The following TNFSF4 variants were observed in gnomAD, a reference collection of about 807,000 sequenced individuals.
TNFSF4 encodes tumor necrosis factor ligand superfamily member 4.
TNFSF4 carries 4 observed loss-of-function variants against 7.3 expected under a neutral mutation model. That is an observed-to-expected ratio of 0.55 (90% CI 0.27 to 1.25). The LOEUF (loss-of-function observed/expected upper bound fraction) is 1.25. Among genes scored for constraint, TNFSF4 ranks in the 50% most tolerant of loss-of-function variants. The pLI is 0.12. For missense variants in TNFSF4, 181 were observed against 208.8 expected (o/e 0.87, Z 0.82); for synonymous variants, 76 against 83.7 (o/e 0.91, Z 0.50).
the TNFSF4 span, among the ~76,000 whole-genome samples, chr1:173,379,058 C>A: frequency 6.6e-6 from 1 of 151,990 alleles, no homozygotes; most frequent in African/African-American, 2.4e-5. Flanking sequence ...CTAGGGCAAA[C>A]CTTCAATCTC....
chr1:173,273,869 G>C, the TNFSF4 span, among the ~76,000 whole-genome samples: 1 of 152,026 alleles, frequency 6.6e-6, no homozygotes, highest in East Asian at 1.9e-4. Flanking sequence ...ATGGATAATT[G>C]TATTTGCTTC....
the TNFSF4 span, among the ~76,000 whole-genome samples, chr1:173,374,184 C>T: frequency 6.6e-6 from 1 of 152,096 alleles, no homozygotes; most frequent in African/African-American, 2.4e-5. Flanking sequence ...AAATGACCTC[C>T]TACTTGATCA....
chr1:173,313,627 T>C, the TNFSF4 span, among the ~76,000 whole-genome samples: 35,949 of 152,024 alleles, frequency 0.24, 4,847 homozygotes, highest in Non-Finnish European at 0.3. Context: ...TTTCTTCTTT[T>C]TTGAGAGGAG....
chr1:173,195,573 C>G (rs1032859965), intron 1 of TNFSF4, among the ~76,000 whole-genome samples: 1 of 152,210 alleles, frequency 6.6e-6, no homozygotes, highest in African/African-American at 2.4e-5. Context: ...GCTGTGTTCC[C>G]AAGAAAGTGA....
At chr1:173,217,730 C>G in the TNFSF4 span, among the ~76,000 whole-genome samples, 2 of 152,082 alleles carry the variant, frequency 1.3e-5, no homozygotes, top group Non-Finnish European at 2.9e-5. Flanking sequence ...TTATCTGTTT[C>G]TTTCAATTTT....
chr1:173,395,636 C>G, the TNFSF4 span, among the ~76,000 whole-genome samples: 1 of 151,630 alleles, frequency 6.6e-6, no homozygotes, highest in Non-Finnish European at 1.5e-5. Context: ...TGCTGAAAAT[C>G]AAAAACAGAA....
chr1:173,247,179 G>A, the TNFSF4 span, among the ~76,000 whole-genome samples: 1 of 152,198 alleles, frequency 6.6e-6, no homozygotes. Flanking sequence ...AGTACTATCT[G>A]TATGGGCTGT....
downstream of TNFSF4, among the ~76,000 whole-genome samples, chr1:173,182,304 A>G (rs1005413847): frequency 6.6e-6 from 1 of 152,234 alleles, no homozygotes; most frequent in African/African-American, 2.4e-5. Context: ...TTATGCATTT[A>G]CCCAACATCA....
the TNFSF4 span, among the ~76,000 whole-genome samples, chr1:173,378,879 C>T: frequency 1.8e-4 from 16 of 87,246 alleles, no homozygotes; most frequent in South Asian, 8.0e-4. Flanking sequence ...AACCCCCCTC[C>T]CCCCCCACCA....
the TNFSF4 span, among the ~76,000 whole-genome samples, chr1:173,386,537 G>A: frequency 1.3e-5 from 2 of 152,182 alleles, no homozygotes; most frequent in Admixed American, 1.3e-4. Flanking sequence ...ATGGGAGTGG[G>A]GCCACAGCAG....
chr1:173,379,257 G>T, the TNFSF4 span, among the ~76,000 whole-genome samples: 97,598 of 151,842 alleles, frequency 0.64, 31,494 homozygotes, highest in Admixed American at 0.7. Flanking sequence ...ATCCCCACTG[G>T]GACCTCAACT....
At chr1:173,300,428 T>A in the TNFSF4 span, among the ~76,000 whole-genome samples, 1 of 151,978 alleles carries the variant, frequency 6.6e-6, no homozygotes, top group African/African-American at 2.4e-5. Context: ...CAGCCCTTAG[T>A]AGAATCTCAA....
the TNFSF4 span, among the ~76,000 whole-genome samples, chr1:173,325,568 A>T: frequency 6.6e-6 from 1 of 152,124 alleles, no homozygotes; most frequent in Non-Finnish European, 1.5e-5. Context: ...AAAATCAATG[A>T]ATCCAGGAGC....
chr1:173,419,905 CG>C, the TNFSF4 span, among the ~76,000 whole-genome samples: 45 of 150,440 alleles, frequency 3.0e-4, no homozygotes, highest in Middle Eastern at 3.4e-3. Context: ...GTTTGTGTGG[CG>C]GGGGGGGGGA....
the TNFSF4 span, among the ~76,000 whole-genome samples, chr1:173,265,291 A>C: frequency 6.6e-6 from 1 of 152,200 alleles, no homozygotes; most frequent in African/African-American, 2.4e-5. Flanking sequence ...ATTTTAAGAA[A>C]TAATATGTTT....
intron 1 of TNFSF4, chr1:173,205,554 G>GT: frequency 6.9e-6 from 9 of 1,299,566 alleles, no homozygotes; most frequent in Non-Finnish European, 8.8e-6. Context: ...TGTGTCCTGT[G>GT]TTTTATCATC....
At chr1:173,200,637 T>C (rs909590983) in intron 1 of TNFSF4, among the ~76,000 whole-genome samples, 8 of 152,206 alleles carry the variant, frequency 5.3e-5, no homozygotes, top group African/African-American at 1.9e-4. Context: ...CTTTGATGCA[T>C]GTTTTGATGT....
the TNFSF4 span, among the ~76,000 whole-genome samples, chr1:173,424,939 C>T: frequency 2.6e-5 from 4 of 152,140 alleles, no homozygotes; most frequent in South Asian, 2.1e-4. Context: ...GGTGGCACAC[C>T]TTCAATCAGA....
the TNFSF4 span, among the ~76,000 whole-genome samples, chr1:173,280,285 T>C: frequency 2.6e-5 from 4 of 152,134 alleles, no homozygotes; most frequent in Admixed American, 1.3e-4. Context: ...TGTACCATTT[T>C]ACCAATTACA....
Sources: allele counts gnomAD v4.1 joint callset (sites outside exome capture counted in the v4.1 genomes callset), GRCh38; gene constraint gnomAD v4.1.1; transcripts MANE v1.5; gene names NCBI Gene and HGNC (gene_info 2026-07-23, HGNC 2026-07-21).